AGPAT4: variants seen among roughly 807,000 people sequenced by gnomAD.
The protein encoded by AGPAT4 is 1-acyl-sn-glycerol-3-phosphate acyltransferase delta.
In AGPAT4, 15 loss-of-function variants were observed where a neutral mutation model predicts 48.0. That is an observed-to-expected ratio of 0.31 (90% confidence interval 0.21 to 0.48). The LOEUF (loss-of-function observed/expected upper bound fraction) is 0.48. AGPAT4 is among the 20% of genes least tolerant of loss of function. The pLI is 0.99. For missense variants in AGPAT4, 314 were observed against 482.5 expected (o/e 0.65, Z 3.27); for synonymous variants, 178 against 198.7 (o/e 0.90, Z 0.88).
Position 161,226,413 on chromosome 6 carries a change from C to G in AGPAT4, c.178+5623G>C, listed in dbSNP as rs968360424. Among the ~76,000 whole-genome samples, 2 of 152,208 alleles carry G rather than the reference C, an allele frequency of 1.3e-5. No homozygotes were observed. The highest frequency in any genetic ancestry group is 4.8e-5 in the African/African-American group (2 of 41,454). On this transcript the variant is annotated intron_variant, in intron 2 of 8. Transcript: ENST00000320285. The surrounding 1 kb of genome is among the most constrained non-coding windows in gnomAD (Gnocchi z 6.3). ...GAAGCCGGCTGCAGAGTTAGCAGAACAAACTGCTTCTCTCAAGGTCATGCA... is the reference window on the plus strand; with the variant it reads ...GAAGCCGGCTGCAGAGTTAGCAGAAGAAACTGCTTCTCTCAAGGTCATGCA...
At chr6:161,173,525 T>C (rs1194800432) in intron 2 of AGPAT4, among the ~76,000 whole-genome samples, 1 of 152,196 alleles carries the variant, frequency 6.6e-6, no homozygotes, top group Admixed American at 6.5e-5. Context: ...TTTAAGTTCA[T>C]TGTAGATTCT....
In AGPAT4 at chr6:161,235,018, A is replaced by T. The variant is rs1334907301; in HGVS notation, c.-89-2716T>A. 6.6e-6 allele frequency among the ~76,000 whole-genome samples: 1 copy of T among 151,988 alleles called. No homozygotes were observed. The highest frequency in any genetic ancestry group is 2.4e-5 in the African/African-American group (1 of 41,378). On this transcript the variant is annotated intron_variant, in intron 1 of 8. Transcript: ENST00000320285. This position sits in a 1 kb window ranked among gnomAD's most constrained non-coding sequence, Gnocchi z 6.2. Reference sequence around the variant, plus strand: ...AAGCAGATGAGCCTAAAGAGAAATCAGACAAGGCTTGGTTTGTTTTGGGTC... The same window carrying T: ...AAGCAGATGAGCCTAAAGAGAAATCTGACAAGGCTTGGTTTGTTTTGGGTC...
At position 161,166,526 on chromosome 6, in the gene AGPAT4, G is replaced by C. The variant is rs536034523; in HGVS notation, c.179-109C>G. ...AGCTAGGGGAGAAAGCAACTTCTAC[G>C]GGCAAAGTTCTGGATCGTTGCAGCA... On this transcript the variant is annotated intron_variant, in intron 2 of 8. Transcript: ENST00000320285. This position sits in a 1 kb window ranked among gnomAD's most constrained non-coding sequence, Gnocchi z 6.7. 1.5e-6 allele frequency: 2 copies of C among 1,334,776 alleles called. No homozygotes were observed. Among genetic ancestry groups the C allele is most frequent in the Non-Finnish European group, 2.0e-6 (2 of 981,434 alleles). The allele number at this position is 1,334,776 out of a possible 1,614,324, so 82.7% of individuals were successfully genotyped here.
chr6:161,271,284 C>T (rs775860471), intron 1 of AGPAT4, among the ~76,000 whole-genome samples: 8 of 152,212 alleles, frequency 5.3e-5, no homozygotes, highest in South Asian at 4.1e-4. Context: ...CTTGAACCGT[C>T]TGCCTCCTCT....
chr6:161,194,505 CATGT>C (rs1353802357), intron 2 of AGPAT4, among the ~76,000 whole-genome samples: 2 of 146,926 alleles, frequency 1.4e-5, no homozygotes, highest in Admixed American at 1.4e-4. Context: ...TGTGTGTGTG[CATGT>C]AAGTATATGT....
Position 161,154,197 on chromosome 6 carries a change from C to T in AGPAT4, c.462G>A (p.Thr154=), listed in dbSNP as rs200786234. The change falls in exon 4 of 9, where the codon ACG becomes ACA. Residue 154 remains threonine (T), a synonymous_variant. Coordinates refer to ENST00000320285, the MANE Select transcript of AGPAT4 (RefSeq NM_020133.3). This position sits in a 1 kb window ranked among gnomAD's most constrained non-coding sequence, Gnocchi z 7.8. ...GGAGGTGCTGCAAACTGGTGGCAAC[C>T]GTCTTGCGATCCTGCTCCCACTTGC... The part of the protein sequence containing the change: ...CSRKWEQDRK[T]VATSLQHLRD... 14 of 1,614,082 alleles carry T rather than the reference C, an allele frequency of 8.7e-6. No homozygotes were observed. The highest frequency in any genetic ancestry group is 6.7e-5 in the East Asian group (3 of 44,866).
intron 1 of AGPAT4, among the ~76,000 whole-genome samples, chr6:161,256,881 G>A (rs188249077): frequency 6.6e-6 from 1 of 152,342 alleles, no homozygotes; most frequent in East Asian, 1.9e-4. Context: ...AAGAATGGAT[G>A]TGCCTTTTCT....
At position 161,212,457 on chromosome 6, in the gene AGPAT4, C is replaced by T. The variant is rs929700479; in HGVS notation, c.178+19579G>A. On this transcript the variant is annotated intron_variant, in intron 2 of 8. Transcript: ENST00000320285. The surrounding 1 kb of genome is among the most constrained non-coding windows in gnomAD (Gnocchi z 6.1). ...AATTAATCCTTTAAGACATTAGATT[C>T]CCTAAAGTCCAAAAGTGACATAATT... Among the ~76,000 whole-genome samples the T allele has an allele frequency of 6.6e-6, 1 of 152,010 alleles. No individual in the cohort carries two copies. Among genetic ancestry groups the T allele is most frequent in the African/African-American group, 2.4e-5 (1 of 41,382 alleles).
At position 161,223,502 on chromosome 6, in the gene AGPAT4, A is replaced by C. The variant is rs1462351207; in HGVS notation, c.178+8534T>G. On this transcript the variant is annotated intron_variant, in intron 2 of 8. Transcript: ENST00000320285. This position sits in a 1 kb window ranked among gnomAD's most constrained non-coding sequence, Gnocchi z 6.3. ...CATTTAACAGGTGAATTGCCTGTTC[A>C]CATAGCGGTGTTATTAAATGAGGTA... is the stretch of plus-strand genomic sequence containing the variant. Among the ~76,000 whole-genome samples the C allele has an allele frequency of 3.3e-5, 5 of 152,216 alleles. 1 individual carries two copies. The highest frequency in any genetic ancestry group is 7.3e-5 in the Non-Finnish European group (5 of 68,034).
At position 161,146,852 on chromosome 6, in the gene AGPAT4, C is replaced by G. The variant is rs984414652; in HGVS notation, c.768-253G>C. On this transcript the variant is annotated intron_variant, in intron 6 of 8. Transcript: ENST00000320285. This position sits in a 1 kb window ranked among gnomAD's most constrained non-coding sequence, Gnocchi z 7.1. ...ATGGCACAGACAGATGCTGTGAGAA[C>G]AGGGGACACCTGCCTCATTCCGTCT... 6.6e-6 allele frequency among the ~76,000 whole-genome samples: 1 copy of G among 152,170 alleles called. No homozygotes were observed. Among genetic ancestry groups the G allele is most frequent in the Non-Finnish European group, 1.5e-5 (1 of 68,030 alleles).
rs371055419 is a variant in AGPAT4 at position 161,245,699 on chromosome 6, C to T, written c.-89-13397G>A. On this transcript the variant is annotated intron_variant, in intron 1 of 8. Coordinates refer to ENST00000320285, the MANE Select transcript of AGPAT4 (RefSeq NM_020133.3). The surrounding 1 kb of genome is among the most constrained non-coding windows in gnomAD (Gnocchi z 5.2). ...GCCCCTCCCTCTCCTACTCACTGTC[C>T]GTGAAGTGCCCTCAATCCTTGAGTT... Among the ~76,000 whole-genome samples, 21 of 152,130 alleles carry T rather than the reference C, an allele frequency of 1.4e-4. No homozygotes were observed. The highest frequency in any genetic ancestry group is 2.5e-4 in the Non-Finnish European group (17 of 68,028).
intron 1 of AGPAT4, among the ~76,000 whole-genome samples, chr6:161,247,742 G>A (rs1348228428): frequency 2.0e-5 from 3 of 151,936 alleles, no homozygotes; most frequent in Non-Finnish European, 4.4e-5. Context: ...ACAGATTTTG[G>A]GAGGCTGAGG....
rs950751940 is a variant in AGPAT4, at chr6:161,238,072, G to A, written c.-89-5770C>T. Among the ~76,000 whole-genome samples the A allele has an allele frequency of 5.3e-4, 72 of 135,764 alleles. No homozygotes were observed. The highest frequency in any genetic ancestry group is 1.8e-3 in the African/African-American group (66 of 37,618). The allele number at this position is 135,764 out of a possible 152,430, so 89.1% of individuals were successfully genotyped here. A position where few individuals can be genotyped will look rare whatever the true frequency, so the allele number is the denominator to read the frequency against. ...GTGTGTTGGGGGGCTGGGGGTGGGG[G>A]GGTAATGGGGGGGTTGGGGGGCGGG... is the stretch of plus-strand genomic sequence containing the variant. On this transcript the variant is annotated intron_variant, in intron 1 of 8. Coordinates refer to ENST00000320285, the MANE Select transcript of AGPAT4 (RefSeq NM_020133.3). The surrounding 1 kb of genome is among the most constrained non-coding windows in gnomAD (Gnocchi z 5.2).
In AGPAT4 at chr6:161,229,472, A is replaced by G. The variant is rs1021031359; in HGVS notation, c.178+2564T>C. On this transcript the variant is annotated intron_variant, in intron 2 of 8. Transcript: ENST00000320285. This position sits in a 1 kb window ranked among gnomAD's most constrained non-coding sequence, Gnocchi z 6.0. The stretch of plus-strand genomic sequence containing the variant: ...TCAGTGGCCCAGCAAGGCTTCCTAA[A>G]CACTCTTTTTACATGGCCTTGGTTA... Among the ~76,000 whole-genome samples, 1 of 152,218 alleles carries G rather than the reference A, an allele frequency of 6.6e-6. No homozygotes were observed. Among genetic ancestry groups the G allele is most frequent in the South Asian group, 2.1e-4 (1 of 4,818 alleles).
rs575454002 is a variant in AGPAT4 at position 161,219,834 on chromosome 6, G to GAT, written c.178+12200_178+12201dup. On this transcript the variant is annotated intron_variant, in intron 2 of 8. Transcript: ENST00000320285. The surrounding 1 kb of genome is among the most constrained non-coding windows in gnomAD (Gnocchi z 4.9). Reference sequence around the variant, plus strand: ...TAAAAAAGATAGACAGAGATAGATAGATAGATAGATAGATAGATAGATAGA... The same window carrying GAT: ...TAAAAAAGATAGACAGAGATAGATAGATATAGATAGATAGATAGATAGATAGA... Among the ~76,000 whole-genome samples, 724 of 100,572 alleles carry GAT rather than the reference G, an allele frequency of 7.2e-3. 9 individuals carry two copies. Among genetic ancestry groups the GAT allele is most frequent in the African/African-American group, 0.031 (694 of 22,290 alleles). The allele number at this position is 100,572 out of a possible 152,430, so 66.0% of individuals were successfully genotyped here.
intron 2 of AGPAT4, among the ~76,000 whole-genome samples, chr6:161,183,727 AAGAGG>A (rs1780676730): frequency 3.0e-5 from 1 of 33,356 alleles, no homozygotes; most frequent in African/African-American, 1.5e-4. Context: ...GAGATGGGAG[AAGAGG>A]GGAGGGGAGG....
Position 161,226,056 on chromosome 6 carries a change from G to A in AGPAT4, c.178+5980C>T, listed in dbSNP as rs979156843. Among the ~76,000 whole-genome samples, 1 of 152,118 alleles carries A rather than the reference G, an allele frequency of 6.6e-6. No homozygotes were observed. The highest frequency in any genetic ancestry group is 1.5e-5 in the Non-Finnish European group (1 of 68,028). ...TTACTGAACCCTCTTCTGGGAAGGC[G>A]ATCACCATCTGGGAACTGATAAGGA... On this transcript the variant is annotated intron_variant, in intron 2 of 8. Coordinates refer to ENST00000320285, the MANE Select transcript of AGPAT4 (RefSeq NM_020133.3). The surrounding 1 kb of genome is among the most constrained non-coding windows in gnomAD (Gnocchi z 6.3).
At chr6:161,175,207 A>G (rs1198449666) in intron 2 of AGPAT4, among the ~76,000 whole-genome samples, 1 of 152,222 alleles carries the variant, frequency 6.6e-6, no homozygotes, top group African/African-American at 2.4e-5. Context: ...TGATTGGAAT[A>G]GTTTCAGAAG....
At position 161,165,980 on chromosome 6, in the gene AGPAT4, T is replaced by C. The variant is rs1583296092; in HGVS notation, c.348+268A>G. The C allele has an allele frequency of 3.3e-6, 2 of 610,416 alleles. No individual in the cohort carries two copies. Among genetic ancestry groups the C allele is most frequent in the East Asian group, 2.7e-5 (1 of 36,448 alleles). The allele number at this position is 610,416 out of a possible 1,614,324, so 37.8% of individuals were successfully genotyped here. A position where few individuals can be genotyped will look rare whatever the true frequency, so the allele number is the denominator to read the frequency against. On this transcript the variant is annotated intron_variant, in intron 3 of 8. Transcript: ENST00000320285. The surrounding 1 kb of genome is among the most constrained non-coding windows in gnomAD (Gnocchi z 5.5). ...AAAAAATGGAGTGTGGCACATCATC[T>C]ATTCATGTTGCTGTAAGGATTAAAT...
Sources: allele counts gnomAD v4.1 joint callset (sites outside exome capture counted in the v4.1 genomes callset), GRCh38; gene constraint gnomAD v4.1.1; non-coding constraint Gnocchi (gnomAD v3.1); transcripts MANE v1.5; gene names NCBI Gene and HGNC (gene_info 2026-07-23, HGNC 2026-07-21).